PPARGC1A: variants seen among roughly 807,000 people sequenced by gnomAD.
PPARGC1A encodes the protein peroxisome proliferator-activated receptor gamma coactivator 1-alpha.
Under a neutral mutation model 88.7 loss-of-function variants are expected in PPARGC1A, and 25 were observed. The observed-to-expected ratio is 0.28, with a 90% CI of 0.21 to 0.39. The LOEUF (loss-of-function observed/expected upper bound fraction) is 0.39, where lower values mean the gene tolerates loss of function less well. Ranked by LOEUF, PPARGC1A falls within the 10% of genes least tolerant of loss-of-function variation. The pLI, the probability that PPARGC1A is intolerant of heterozygous loss-of-function variation, is 1.00. For missense variants in PPARGC1A, 880 were observed against 968.7 expected, an observed-to-expected ratio of 0.91 and a Z score of 1.22; for synonymous variants, 363 against 355.6, an observed-to-expected ratio of 1.02 and a Z score of -0.24.
the PPARGC1A span, among the ~76,000 whole-genome samples, chr4:24,180,016 T>C: frequency 2.6e-5 from 4 of 152,178 alleles, no homozygotes; most frequent in Admixed American, 6.5e-5. Flanking sequence ...GGATGTACCA[T>C]TGTCACTGCT....
chr4:23,976,738 A>G, the PPARGC1A span, among the ~76,000 whole-genome samples: 1 of 152,200 alleles, frequency 6.6e-6, no homozygotes, highest in Non-Finnish European at 1.5e-5. Context: ...GACAACGAGA[A>G]GGTGGCAGCC....
the PPARGC1A span, among the ~76,000 whole-genome samples, chr4:24,061,071 G>A: frequency 7.3e-5 from 11 of 151,664 alleles, no homozygotes; most frequent in South Asian, 2.3e-3. Flanking sequence ...AAAAAGAAAA[G>A]AAAAGAAAGA....
the PPARGC1A span, among the ~76,000 whole-genome samples, chr4:24,370,939 A>C: frequency 6.7e-6 from 1 of 148,164 alleles, no homozygotes; most frequent in Non-Finnish European, 1.5e-5. Context: ...CTTGCCCCTC[A>C]CTCCCGAAAG....
the PPARGC1A span, among the ~76,000 whole-genome samples, chr4:24,160,794 T>G: frequency 6.6e-6 from 1 of 152,226 alleles, no homozygotes; most frequent in Admixed American, 6.5e-5. Flanking sequence ...TGATATACTT[T>G]CCATTTCTAG....
At chr4:24,125,788 C>CTT in the PPARGC1A span, among the ~76,000 whole-genome samples, 15 of 152,304 alleles carry the variant, frequency 9.8e-5, no homozygotes, top group African/African-American at 3.4e-4. Flanking sequence ...AGTAGGACAA[C>CTT]TAGCTCCTAA....
the PPARGC1A span, among the ~76,000 whole-genome samples, chr4:24,178,700 A>G: frequency 2.5e-3 from 383 of 152,322 alleles, 2 homozygotes; most frequent in African/African-American, 8.9e-3. Context: ...AATTATCACT[A>G]AGAGGTACTG....
chr4:23,950,300 C>A, the PPARGC1A span, among the ~76,000 whole-genome samples: 1 of 151,984 alleles, frequency 6.6e-6, no homozygotes, highest in Non-Finnish European at 1.5e-5. Context: ...CTGTACCCAC[C>A]TCCTCTATAA....
At chr4:24,224,478 G>A in the PPARGC1A span, among the ~76,000 whole-genome samples, 11 of 152,128 alleles carry the variant, frequency 7.2e-5, no homozygotes, top group African/African-American at 1.4e-4. Flanking sequence ...ATGACCTAGC[G>A]ATGCCTAAAT....
the PPARGC1A span, among the ~76,000 whole-genome samples, chr4:24,429,986 G>T: frequency 6.6e-6 from 1 of 152,154 alleles, no homozygotes; most frequent in Admixed American, 6.5e-5. Flanking sequence ...GACTTCAGAA[G>T]AGTTTTCTTG....
the PPARGC1A span, among the ~76,000 whole-genome samples, chr4:23,964,358 A>T: frequency 6.6e-5 from 10 of 152,306 alleles, no homozygotes; most frequent in East Asian, 1.7e-3. Flanking sequence ...TAGATTAGAA[A>T]TGGAGATTGA....
chr4:24,121,004 G>A, the PPARGC1A span, among the ~76,000 whole-genome samples: 1 of 152,222 alleles, frequency 6.6e-6, no homozygotes, highest in Non-Finnish European at 1.5e-5. Context: ...ATAGCAACAA[G>A]CACAAAATGA....
chr4:23,962,887 C>T, the PPARGC1A span, among the ~76,000 whole-genome samples: 9 of 152,304 alleles, frequency 5.9e-5, no homozygotes, highest in Admixed American at 5.9e-4. Context: ...GCTCCAGGGA[C>T]TTGAGCTCCT....
the PPARGC1A span, among the ~76,000 whole-genome samples, chr4:24,426,224 T>G: frequency 1.3e-5 from 2 of 152,032 alleles, no homozygotes; most frequent in Admixed American, 1.3e-4. Context: ...GATATTGTGA[T>G]TCTTTCTGAG....
intron 2 of PPARGC1A, chr4:23,866,113 C>T (rs1329039201): frequency 6.6e-6 from 1 of 152,116 alleles, no homozygotes; most frequent in Non-Finnish European, 1.5e-5. Context: ...AGAAAGATAC[C>T]AGGAATAGCC....
the PPARGC1A span, among the ~76,000 whole-genome samples, chr4:24,349,324 T>C: frequency 6.6e-6 from 1 of 152,138 alleles, no homozygotes; most frequent in Non-Finnish European, 1.5e-5. Context: ...GCAGTAGTAG[T>C]GTGGAGAGGG....
the PPARGC1A span, among the ~76,000 whole-genome samples, chr4:23,938,390 C>G: frequency 6.6e-6 from 1 of 152,142 alleles, no homozygotes; most frequent in African/African-American, 2.4e-5. Flanking sequence ...TTTATTTATT[C>G]TTTCATTAAA....
Position 23,796,988 on chromosome 4 carries a change from T to C in PPARGC1A, c.2294-1063A>G, listed in dbSNP as rs554854248. Among the ~76,000 whole-genome samples, 5 of 152,066 alleles carry C rather than the reference T, an allele frequency of 3.3e-5. No homozygotes were observed. The South Asian group carries it at 1.0e-3, about 32-fold the overall frequency. ...CTAAAATGTTGTTTTGCTGACAAGA[T>C]TGCAAACCAAGCTCTCTAGCTCCGG... On this transcript the variant is annotated intron_variant, in intron 12 of 12. Coordinates refer to ENST00000264867, the MANE Select transcript of PPARGC1A (RefSeq NM_013261.5).
the PPARGC1A span, among the ~76,000 whole-genome samples, chr4:23,936,214 C>T: frequency 6.6e-6 from 1 of 152,124 alleles, no homozygotes; most frequent in Non-Finnish European, 1.5e-5. Flanking sequence ...TATTCTAAGT[C>T]ATTTTCATAT....
the PPARGC1A span, among the ~76,000 whole-genome samples, chr4:24,450,837 T>A: frequency 6.6e-6 from 1 of 152,216 alleles, no homozygotes; most frequent in Admixed American, 6.5e-5. Flanking sequence ...CCTTTATACA[T>A]GTTTTCAAGG....
Sources: allele counts gnomAD v4.1 joint callset (sites outside exome capture counted in the v4.1 genomes callset), GRCh38; gene constraint gnomAD v4.1.1; transcripts MANE v1.5; gene names NCBI Gene and HGNC (gene_info 2026-07-23, HGNC 2026-07-21).